Variants in MARCHF1 observed in about 807,000 individuals in gnomAD.
MARCHF1 encodes the protein membrane associated ring-CH-type finger 1, also known as E3 ubiquitin-protein ligase MARCHF1.
A neutral mutation model predicts 54.2 loss-of-function variants in MARCHF1; 40 were observed. That is an observed-to-expected ratio of 0.74 (90% CI 0.57 to 0.96). The LOEUF is 0.96. MARCHF1 is among the 40% of genes least tolerant of loss of function. MARCHF1 has a pLI of 0.00. For missense variants in MARCHF1, 586 were observed against 656.5 expected, an observed-to-expected ratio of 0.89 and a Z score of 1.17; for synonymous variants, 236 against 236.3, an observed-to-expected ratio of 1.00 and a Z score of 0.01.
chr4:164,188,897 G>T lies in MARCHF1; in HGVS notation c.-322-77235C>A, dbSNP rs1560945738. The T allele has an allele frequency of 3.9e-6, 3 of 773,906 alleles. No individual in the cohort carries two copies. In the East Asian group the frequency reaches 7.3e-5, roughly 19 times the overall value. The allele number at this position is 773,906 out of a possible 1,614,324, so 47.9% of individuals were successfully genotyped here. ...TACCCATGCAGTTTTTACCTTACCAGCCTATTTCAATGATGCCCAATGCGA... is the reference window on the plus strand; with the variant it reads ...TACCCATGCAGTTTTTACCTTACCATCCTATTTCAATGATGCCCAATGCGA... On this transcript the variant is annotated intron_variant, in intron 1 of 9. Coordinates refer to ENST00000514618, the MANE Select transcript of MARCHF1 (RefSeq NM_001394959.1).
At chr4:163,786,836 A>G (rs953682267) in intron 4 of MARCHF1, among the ~76,000 whole-genome samples, 1 of 152,020 alleles carries the variant, frequency 6.6e-6, no homozygotes, top group Non-Finnish European at 1.5e-5. Flanking sequence ...ATTTCAGAAT[A>G]TACTACAAAT....
At chr4:164,035,803 G>A (rs1579479030) in intron 2 of MARCHF1, among the ~76,000 whole-genome samples, 2 of 151,642 alleles carry the variant, frequency 1.3e-5, no homozygotes, top group East Asian at 1.9e-4. Flanking sequence ...TATTTTGGCC[G>A]GGTGCGGTGG....
In MARCHF1 at chr4:163,528,350, A is replaced by T. The variant is rs970919660; in HGVS notation, c.*398T>A. The T allele has an allele frequency of 1.3e-4, 21 of 164,470 alleles. 1 individual carries two copies. The highest frequency in any genetic ancestry group is 5.6e-4 in the South Asian group (3 of 5,336). 10.2% of individuals were successfully genotyped at this position (164,470 alleles called of 1,614,324 possible). A position where few individuals can be genotyped will look rare whatever the true frequency, so the allele number is the denominator to read the frequency against. On this transcript the variant is annotated 3_prime_UTR_variant, in exon 10 of 10. Transcript: ENST00000514618. ...GTTATTTCCAGATGAGACAGTTAAC[A>T]TTACAAGGCCCTAGAAGTAATACAC...
chr4:164,126,216 G>A (rs3109036), intron 1 of MARCHF1, among the ~76,000 whole-genome samples: 99,456 of 151,988 alleles, frequency 0.65, 32,937 homozygotes, highest in East Asian at 0.9. Flanking sequence ...GGAGGTTATT[G>A]GATCCTGAGG....
intron 1 of MARCHF1, among the ~76,000 whole-genome samples, chr4:164,148,585 T>C (rs17044565): frequency 0.19 from 28,964 of 152,008 alleles, 4,398 homozygotes; most frequent in African/African-American, 0.41. Context: ...GTTTGAGCCA[T>C]TGACTGAAGC....
intron 4 of MARCHF1, among the ~76,000 whole-genome samples, chr4:163,792,176 C>T (rs552150189): frequency 3.3e-5 from 5 of 152,124 alleles, no homozygotes; most frequent in African/African-American, 7.2e-5. Context: ...TATGCCATAA[C>T]GATTTAAATG....
intron 1 of MARCHF1, among the ~76,000 whole-genome samples, chr4:164,217,089 G>A (rs1174807921): frequency 6.6e-6 from 1 of 152,122 alleles, no homozygotes; most frequent in African/African-American, 2.4e-5. Context: ...TTATTTACTA[G>A]AGATGATAAT....
At chr4:163,721,488 C>G (rs916861859) in intron 4 of MARCHF1, among the ~76,000 whole-genome samples, 6 of 152,014 alleles carry the variant, frequency 3.9e-5, no homozygotes, top group Admixed American at 2.6e-4. Flanking sequence ...GTCTAAAATT[C>G]TCTTTTTTTG....
intron 4 of MARCHF1, among the ~76,000 whole-genome samples, chr4:163,732,630 C>T (rs928882214): frequency 6.6e-6 from 1 of 152,104 alleles, no homozygotes; most frequent in Admixed American, 6.6e-5. Context: ...ACAAAAGACA[C>T]ATTATGTACA....
intron 1 of MARCHF1, among the ~76,000 whole-genome samples, chr4:164,268,514 A>G (rs538193431): frequency 6.6e-6 from 1 of 152,268 alleles, no homozygotes; most frequent in Admixed American, 6.5e-5. Flanking sequence ...AGAAATTCCT[A>G]TAAGCTTGGG....
At chr4:164,375,824 A>G (rs1183838501) in intron 1 of MARCHF1, among the ~76,000 whole-genome samples, 3 of 152,136 alleles carry the variant, frequency 2.0e-5, no homozygotes, top group Non-Finnish European at 4.4e-5. Context: ...TAGGACCTTG[A>G]GCACACTTCA....
At chr4:164,192,980 T>C (rs1035862907) in intron 1 of MARCHF1, among the ~76,000 whole-genome samples, 1 of 152,188 alleles carries the variant, frequency 6.6e-6, no homozygotes, top group Non-Finnish European at 1.5e-5. Context: ...GACTTATCTG[T>C]ATCCCTACCC....
chr4:163,701,376 A>T (rs1744805272), intron 4 of MARCHF1, among the ~76,000 whole-genome samples: 1 of 152,174 alleles, frequency 6.6e-6, no homozygotes, highest in South Asian at 2.1e-4. Context: ...TTTAAAATTT[A>T]AGATGCTTCT....
chr4:163,884,814 T>C (rs1750493347), intron 3 of MARCHF1, among the ~76,000 whole-genome samples: 1 of 152,156 alleles, frequency 6.6e-6, no homozygotes, highest in Admixed American at 6.5e-5. Context: ...GGTTAGTAAT[T>C]GAAACCAGTA....
chr4:163,947,446 T>G (rs1477430019), intron 3 of MARCHF1, among the ~76,000 whole-genome samples: 1 of 152,196 alleles, frequency 6.6e-6, no homozygotes, highest in East Asian at 1.9e-4. Context: ...GGGGAGATTA[T>G]TTTGGATTAT....
chr4:163,536,007 T>C (rs916411231), intron 9 of MARCHF1, among the ~76,000 whole-genome samples: 2 of 152,136 alleles, frequency 1.3e-5, no homozygotes, highest in African/African-American at 4.8e-5. Flanking sequence ...CAACAAAGAA[T>C]TATTCAGTTC....
intron 3 of MARCHF1, among the ~76,000 whole-genome samples, chr4:163,960,105 G>C (rs899943218): frequency 6.6e-6 from 1 of 151,982 alleles, no homozygotes; most frequent in Non-Finnish European, 1.5e-5. Context: ...ACCACAGTGA[G>C]ATACCATCTC....
chr4:164,357,361 T>A (rs937078976), intron 1 of MARCHF1, among the ~76,000 whole-genome samples: 2 of 152,134 alleles, frequency 1.3e-5, no homozygotes, highest in South Asian at 2.1e-4. Context: ...TCATTGTCTT[T>A]CTGCCATCAC....
At chr4:164,069,254 G>T (rs1754804375) in intron 2 of MARCHF1, among the ~76,000 whole-genome samples, 1 of 152,178 alleles carries the variant, frequency 6.6e-6, no homozygotes, top group South Asian at 2.1e-4. Flanking sequence ...AGACCAATCG[G>T]CTCTCTGTAA....
Sources: gnomAD v4.1 joint callset for allele counts (sites outside exome capture counted in the v4.1 genomes callset) on GRCh38, gnomAD v4.1.1 for gene constraint, MANE v1.5 for transcripts, NCBI Gene and HGNC (gene_info 2026-07-23, HGNC 2026-07-21) for gene names.